Variants in PGM3 observed in about 807,000 individuals in gnomAD.
The protein encoded by PGM3 is phosphoglucomutase 3, also known as phosphoacetylglucosamine mutase.
Under a neutral mutation model 66.2 loss-of-function variants are expected in PGM3, and 40 were observed. The observed-to-expected ratio is 0.60, with a 90% confidence interval of 0.47 to 0.79. PGM3 has a LOEUF of 0.79. PGM3 is among the 30% of genes least tolerant of loss of function. PGM3 has a pLI of 0.00. For missense variants in PGM3, 537 were observed against 643.4 expected (o/e 0.83, Z 1.79); for synonymous variants, 191 against 224.2 (o/e 0.85, Z 1.32).
the PGM3 span, chr6:83,152,125 C>T: frequency 4.3e-6 from 6 of 1,395,716 alleles, no homozygotes; most frequent in Non-Finnish European, 2.0e-6. Flanking sequence ...AAATTTATCC[C>T]TTTTCTCATG....
At chr6:83,171,886 G>A in intron 11 of PGM3, 51 bp downstream of exon 11, 1 of 1,378,328 alleles carries the variant, frequency 7.3e-7, no homozygotes, top group Non-Finnish European at 1.0e-6. Flanking sequence ...TGGGATAATA[G>A]GTTTTACTTA....
chr6:83,179,837 G>A lies in PGM3; in HGVS notation c.918C>T (p.Ser306=), dbSNP rs2128494940. 1 of 1,612,764 alleles carries A rather than the reference G, an allele frequency of 6.2e-7. No homozygotes were observed. The highest frequency in any genetic ancestry group is 8.5e-7 in the Non-Finnish European group (1 of 1,179,312). The change falls in exon 7 of 13, where the codon AGC becomes AGT. Residue 306 remains serine (S), a synonymous_variant. Transcript: ENST00000513973. ...IDGDKIATLI[S]SFLKELLVEI... is the part of the protein sequence containing the mutation. Reference sequence around the variant, plus strand: ...CCACCAGGAGCTCTTTAAGGAAACTGCTAATTAACGTTGCTATCTTGTCTC... The same window carrying A: ...CCACCAGGAGCTCTTTAAGGAAACTACTAATTAACGTTGCTATCTTGTCTC...
intron 12 of PGM3, 107 bp from the exon 13 acceptor site, chr6:83,169,430 T>C: frequency 7.6e-7 from 1 of 1,312,296 alleles, no homozygotes; most frequent in Non-Finnish European, 1.0e-6. Context: ...TGATTCTTGA[T>C]TTTGTTTCAC....
chr6:83,178,976 G>A lies in PGM3; in HGVS notation c.946-220C>T, dbSNP rs567989165. ...AATTCTATGAGAATTCCTCTTTTAA[G>A]AAGCCTGTATCTCCTGATCTTCACC... On this transcript the variant is annotated intron_variant, in intron 7 of 12. Coordinates refer to ENST00000513973, the MANE Select transcript of PGM3 (RefSeq NM_015599.3). Among the ~76,000 whole-genome samples the A allele has an allele frequency of 3.3e-5, 5 of 152,300 alleles. No homozygotes were observed. The East Asian group carries it at 7.7e-4, about 23-fold the overall frequency.
chr6:83,176,902 C>G (rs1787812086), intron 8 of PGM3, among the ~76,000 whole-genome samples: 1 of 152,028 alleles, frequency 6.6e-6, no homozygotes, highest in African/African-American at 2.4e-5. Flanking sequence ...GTGAAATAAC[C>G]CAATCCCTGT....
downstream of PGM3, chr6:83,164,658 A>G: frequency 6.4e-7 from 1 of 1,571,840 alleles, no homozygotes; most frequent in Non-Finnish European, 8.6e-7. Context: ...TTCCTTCCAC[A>G]GGACAAGGAG....
chr6:83,183,899 A>G, intron 4 of PGM3, among the ~76,000 whole-genome samples: 1 of 152,088 alleles, frequency 6.6e-6, no homozygotes, highest in African/African-American at 2.4e-5. Context: ...TATTTTTAGT[A>G]GAGACAGGGT....
chr6:83,168,204 G>C lies in PGM3; in HGVS notation c.*1030C>G, dbSNP rs1267072465. 2 of 1,575,676 alleles carry C rather than the reference G, an allele frequency of 1.3e-6. No homozygotes were observed. The highest frequency in any genetic ancestry group is 1.7e-6 in the Non-Finnish European group (2 of 1,164,836). On this transcript the variant is annotated 3_prime_UTR_variant, in exon 13 of 13. Coordinates refer to ENST00000513973, the MANE Select transcript of PGM3 (RefSeq NM_015599.3). The stretch of plus-strand genomic sequence containing the variant: ...GGTTCCATTTAGCTTACATGTAAAT[G>C]TAATTATTTAAAACACACACACTGC...
At chr6:83,170,197 C>G (rs920953045) in intron 12 of PGM3, 108 bp downstream of exon 12, 33 of 1,016,400 alleles carry the variant, frequency 3.2e-5, no homozygotes, top group Admixed American at 2.4e-4. Flanking sequence ...AAAGGCTCAA[C>G]AAAATAAAGC....
intron 7 of PGM3, 63 bp from the exon 8 acceptor site, chr6:83,178,819 T>C: frequency 1.0e-6 from 1 of 979,018 alleles, no homozygotes; most frequent in Non-Finnish European, 1.7e-6. Context: ...ACAAATATAA[T>C]GAGAGTTCTA....
At chr6:83,176,246 C>T (rs1004172753) in intron 8 of PGM3, 186 bp from the exon 9 acceptor site, 22 of 493,486 alleles carry the variant, frequency 4.5e-5, no homozygotes, top group East Asian at 3.4e-4. Flanking sequence ...TCTGGAAGCA[C>T]GCAGCCAAGG....
At chr6:83,180,988 T>C (rs1788138404) in intron 6 of PGM3, among the ~76,000 whole-genome samples, 1 of 152,194 alleles carries the variant, frequency 6.6e-6, no homozygotes, top group Non-Finnish European at 1.5e-5. Context: ...GATTCCAATA[T>C]ATAAGAGAAG....
At chr6:83,183,006 A>G in intron 4 of PGM3, 28 bp from the exon 5 acceptor site, 27 of 1,599,278 alleles carry the variant, frequency 1.7e-5, no homozygotes, top group Non-Finnish European at 2.0e-5. Flanking sequence ...AAAGCAATTC[A>G]CCGCATTTCT....
intron 2 of PGM3, among the ~76,000 whole-genome samples, chr6:83,189,188 T>A (rs1788849977): frequency 6.6e-6 from 1 of 152,122 alleles, no homozygotes; most frequent in African/African-American, 2.4e-5. Flanking sequence ...GATCTGTGCA[T>A]CCACTATCCA....
At chr6:83,180,082 G>T in intron 6 of PGM3, 115 bp from the exon 7 acceptor site, 1 of 725,700 alleles carries the variant, frequency 1.4e-6, no homozygotes, top group Non-Finnish European at 2.1e-6. Flanking sequence ...CTTAAATAGT[G>T]TATAATCTTT....
At chr6:83,185,618 G>A (rs1788522922) in intron 4 of PGM3, among the ~76,000 whole-genome samples, 1 of 152,076 alleles carries the variant, frequency 6.6e-6, no homozygotes, top group African/African-American at 2.4e-5. Flanking sequence ...AATTATCCAG[G>A]TGTGGTGGCA....
At chr6:83,190,244 ATTT>A (rs1219520044) in intron 2 of PGM3, among the ~76,000 whole-genome samples, 2 of 152,180 alleles carry the variant, frequency 1.3e-5, no homozygotes, top group Non-Finnish European at 2.9e-5. Context: ...GAATTATACA[ATTT>A]TTATTTATCA....
downstream of PGM3, chr6:83,162,759 A>G (rs747476527): frequency 2.6e-5 from 41 of 1,585,206 alleles, no homozygotes; most frequent in Middle Eastern, 1.9e-3. Context: ...AGTCTGTCTT[A>G]CTGATGCTGA....
the PGM3 span, chr6:83,151,918 A>G: frequency 6.2e-7 from 1 of 1,613,950 alleles, no homozygotes; most frequent in Non-Finnish European, 8.5e-7. Flanking sequence ...CAATTGGTGC[A>G]ATTGCTGGTT....
Sources: gnomAD v4.1 joint callset for allele counts (sites outside exome capture counted in the v4.1 genomes callset) on GRCh38, gnomAD v4.1.1 for gene constraint, MANE v1.5 for transcripts, NCBI Gene and HGNC (gene_info 2026-07-23, HGNC 2026-07-21) for gene names.